Variants in YEATS2 observed in about 807,000 individuals in gnomAD.
YEATS2 encodes the protein YEATS domain containing 2.
YEATS2 carries 77 observed loss-of-function variants against 163.2 expected under a neutral mutation model. The ratio of observed to expected loss-of-function variants is 0.47; its 90% CI spans 0.39 to 0.57. The LOEUF (loss-of-function observed/expected upper bound fraction) is 0.57. Among genes scored for constraint, YEATS2 ranks in the 20% least tolerant of loss-of-function variants. The pLI, the probability that YEATS2 is intolerant of heterozygous loss-of-function variation, is 0.00. For missense variants in YEATS2, 1,549 were observed against 1,729.8 expected (o/e 0.90, Z 1.85); for synonymous variants, 631 against 645.1 (o/e 0.98, Z 0.33).
At chr3:183,766,936 A>C (rs1721963950) in intron 15 of YEATS2, among the ~76,000 whole-genome samples, 1 of 151,138 alleles carries the variant, frequency 6.6e-6, no homozygotes, top group Non-Finnish European at 1.5e-5. Context: ...CAGCCTCCCA[A>C]AGTGTTGGGG....
intron 15 of YEATS2, among the ~76,000 whole-genome samples, chr3:183,766,895 GA>G (rs1721958505): frequency 6.6e-6 from 1 of 151,478 alleles, no homozygotes. Flanking sequence ...GGCTGGTCTT[GA>G]ACTCCTGGGC....
At chr3:183,777,941 G>A (rs1170287996) in intron 19 of YEATS2, among the ~76,000 whole-genome samples, 2 of 151,630 alleles carry the variant, frequency 1.3e-5, no homozygotes, top group East Asian at 1.9e-4. Context: ...GTGAAACCCC[G>A]TCTCTACTAA....
intron 2 of YEATS2, 116 bp downstream of exon 2, chr3:183,715,378 TGA>T: frequency 2.8e-6 from 2 of 720,088 alleles, no homozygotes; most frequent in Middle Eastern, 2.5e-4. Flanking sequence ...AAGGGGTTCG[TGA>T]GAGAGATTAG....
intron 7 of YEATS2, among the ~76,000 whole-genome samples, chr3:183,736,069 G>T (rs1296165323): frequency 1.3e-5 from 2 of 152,068 alleles, no homozygotes; most frequent in Non-Finnish European, 2.9e-5. Flanking sequence ...CCCATCACCA[G>T]TTATTAACAA....
rs913500479 is a variant in YEATS2, at chr3:183,798,024, C to A, written c.3199C>A (p.Gln1067Lys). 6.2e-7 allele frequency: 1 copy of A among 1,614,102 alleles called. No individual in the cohort carries two copies. Among genetic ancestry groups the A allele is most frequent in the Non-Finnish European group, 8.5e-7 (1 of 1,179,954 alleles). ...PLSVNTSGGVQTILMPVNKVV... is the reference protein window; with the variant it reads ...PLSVNTSGGVKTILMPVNKVV... ...CAGCGTAAACACATCTGGAGGGGTG[C>A]AGACGATCCTGATGCCTGTGAATAA... Residue 1067 changes from glutamine to lysine, a missense_variant, in exon 22 of 31, where the codon CAG becomes AAG. By Grantham distance (53) the Gln-to-Lys change is moderately conservative. Coordinates refer to ENST00000305135, the MANE Select transcript of YEATS2 (RefSeq NM_018023.5).
intron 25 of YEATS2, chr3:183,801,853 T>A: frequency 4.9e-6 from 1 of 203,322 alleles, no homozygotes; most frequent in South Asian, 8.4e-5. Flanking sequence ...GCCTGCAGTG[T>A]ACCAGGTCCT....
intron 8 of YEATS2, among the ~76,000 whole-genome samples, chr3:183,744,742 G>C (rs149712922): frequency 2.0e-5 from 3 of 152,120 alleles, no homozygotes; most frequent in Non-Finnish European, 1.5e-5. Flanking sequence ...TTAACTCTTG[G>C]AGCCATCTTT....
intron 1 of YEATS2, among the ~76,000 whole-genome samples, chr3:183,714,541 T>A (rs541015756): frequency 6.6e-6 from 1 of 152,034 alleles, no homozygotes; most frequent in African/African-American, 2.4e-5. Context: ...GACTTGTGTA[T>A]GTGGGGCTTG....
intron 9 of YEATS2, 119 bp from the exon 10 acceptor site, chr3:183,751,954 T>C: frequency 8.7e-7 from 1 of 1,149,694 alleles, no homozygotes; most frequent in Non-Finnish European, 1.3e-6. Flanking sequence ...TGAAATTGCC[T>C]TTGAAGTGTG....
intron 15 of YEATS2, among the ~76,000 whole-genome samples, chr3:183,769,041 C>T (rs1314278205): frequency 1.3e-5 from 2 of 152,078 alleles, no homozygotes; most frequent in South Asian, 2.1e-4. Flanking sequence ...CCAGGAGAGC[C>T]GGGGGTGATT....
At chr3:183,699,942 CTAA>C (rs921573218) in intron 1 of YEATS2, among the ~76,000 whole-genome samples, 2 of 152,248 alleles carry the variant, frequency 1.3e-5, no homozygotes, top group East Asian at 1.9e-4. Flanking sequence ...GGAAATGAAA[CTAA>C]TGAGTGCAAA....
chr3:183,766,950 T>C (rs1420928462), intron 15 of YEATS2, among the ~76,000 whole-genome samples: 1 of 151,888 alleles, frequency 6.6e-6, no homozygotes, highest in Non-Finnish European at 1.5e-5. Context: ...GTTGGGGTTA[T>C]AAGCATGAGC....
intron 9 of YEATS2, among the ~76,000 whole-genome samples, chr3:183,749,581 C>T (rs1435643705): frequency 2.0e-5 from 3 of 152,192 alleles, no homozygotes; most frequent in Admixed American, 6.5e-5. Flanking sequence ...ATAATGTCCT[C>T]AGATTTCATC....
Position 183,730,052 on chromosome 3 carries a change from G to GTTTTTTTTTTTTT in YEATS2, c.812+1224_812+1236dup, listed in dbSNP as rs869091775. On this transcript the variant is annotated intron_variant, in intron 7 of 30. Coordinates refer to ENST00000305135, the MANE Select transcript of YEATS2 (RefSeq NM_018023.5). Reference sequence around the variant, plus strand: ...ATATTAATTGTGTGGTTTTTTGTTTGTTTTTTTTTTTTTTTTTTTTTTTTT... The same window carrying GTTTTTTTTTTTTT: ...ATATTAATTGTGTGGTTTTTTGTTTGTTTTTTTTTTTTTTTTTTTTTTTTTTTTTTTTTTTTTT... 2.7e-3 allele frequency among the ~76,000 whole-genome samples: 114 copies of GTTTTTTTTTTTTT among 41,716 alleles called. 22 individuals are homozygous for GTTTTTTTTTTTTT. The highest frequency in any genetic ancestry group is 4.3e-3 in the African/African-American group (52 of 12,142). The allele number at this position is 41,716 out of a possible 152,430, so 27.4% of individuals were successfully genotyped here.
At chr3:183,771,306 C>A (rs772390855) in intron 15 of YEATS2, among the ~76,000 whole-genome samples, 4 of 152,150 alleles carry the variant, frequency 2.6e-5, no homozygotes, top group Non-Finnish European at 1.5e-5. Flanking sequence ...GTCTGTTCAT[C>A]TAGTTTCTGG....
chr3:183,707,788 A>G (rs1389236703), intron 1 of YEATS2, among the ~76,000 whole-genome samples: 7 of 148,734 alleles, frequency 4.7e-5, no homozygotes, highest in Non-Finnish European at 7.4e-5. Context: ...GGTTCAAGCA[A>G]TTCTCCTGCC....
At chr3:183,710,139 C>G (rs1175938300) in intron 1 of YEATS2, among the ~76,000 whole-genome samples, 3 of 152,154 alleles carry the variant, frequency 2.0e-5, no homozygotes, top group Non-Finnish European at 4.4e-5. Flanking sequence ...CTAGCAGTTC[C>G]TAGTACCATC....
intron 5 of YEATS2, among the ~76,000 whole-genome samples, chr3:183,723,671 T>G (rs1257638499): frequency 4.6e-5 from 7 of 152,198 alleles, no homozygotes; most frequent in East Asian, 1.9e-4. Context: ...CCCAGCACTT[T>G]GGGAGCCCAA....
intron 1 of YEATS2, among the ~76,000 whole-genome samples, chr3:183,699,868 T>C (rs1490807556): frequency 1.3e-5 from 2 of 152,176 alleles, no homozygotes. Context: ...ACGGTGGTTA[T>C]TGGTTTTGGT....
Sources: allele counts gnomAD v4.1 joint callset (sites outside exome capture counted in the v4.1 genomes callset), GRCh38; gene constraint gnomAD v4.1.1; transcripts MANE v1.5; gene names NCBI Gene and HGNC (gene_info 2026-07-23, HGNC 2026-07-21).